Variants in UNC80 observed in about 807,000 individuals in gnomAD.
The protein encoded by UNC80 is protein unc-80 homolog.
Under a neutral mutation model 384.6 loss-of-function variants are expected in UNC80, and 164 were observed. That is an observed-to-expected ratio of 0.43 (90% CI 0.38 to 0.49). The LOEUF is 0.49. UNC80 is among the 20% of genes least tolerant of loss of function. The pLI is 0.00. For missense variants in UNC80, 3,330 were observed against 4,143.0 expected (o/e 0.80, Z 5.39); for synonymous variants, 1,486 against 1,527.8 (o/e 0.97, Z 0.64).
Position 209,813,860 on chromosome 2 carries a change from A to G in UNC80, c.1200+19A>G. On this transcript the variant is annotated intron_variant, in intron 8 of 64. Coordinates refer to ENST00000673920, the MANE Select transcript of UNC80 (RefSeq NM_001371986.1). Reference sequence around the variant, plus strand: ...AACCCAAGTAAGAAAAACCCGGTTCATTGTCATTCAAACCAGCAACTTTGC... The same window carrying G: ...AACCCAAGTAAGAAAAACCCGGTTCGTTGTCATTCAAACCAGCAACTTTGC... The G allele has an allele frequency of 6.5e-7, 1 of 1,546,620 alleles. No homozygotes were observed. Among genetic ancestry groups the G allele is most frequent in the South Asian group, 1.2e-5 (1 of 83,424 alleles).
Position 209,829,369 on chromosome 2 carries a change from G to A in UNC80, c.2616G>A (p.Pro872=), listed in dbSNP as rs200238702. 1.7e-3 allele frequency: 2,602 copies of A among 1,551,124 alleles called. 1 individual carries two copies. The highest frequency in any genetic ancestry group is 2.1e-3 in the Non-Finnish European group (2,414 of 1,146,666). ...LHALLGFCME[P]VTDNKAGFGN... Reference sequence around the variant, plus strand: ...CTTTGCTAGGATTTTGTATGGAGCCGGTCACTGACAGTAAGTAAAGCTGCA... The same window carrying A: ...CTTTGCTAGGATTTTGTATGGAGCCAGTCACTGACAGTAAGTAAAGCTGCA... Residue 872 remains proline, a synonymous_variant, in exon 15 of 65, where the codon CCG becomes CCA. Transcript: ENST00000673920.
intron 29 of UNC80, among the ~76,000 whole-genome samples, 154 bp from the exon 30 acceptor site, chr2:209,912,406 C>T (rs1452515625): frequency 6.6e-6 from 1 of 152,094 alleles, no homozygotes; most frequent in Non-Finnish European, 1.5e-5. Context: ...AAATAAACTG[C>T]TTTTATAAAT....
At chr2:209,816,071 G>T (rs1043247199) in intron 9 of UNC80, among the ~76,000 whole-genome samples, 2 of 152,188 alleles carry the variant, frequency 1.3e-5, no homozygotes, top group African/African-American at 4.8e-5. Flanking sequence ...GTGTTGCTAA[G>T]TAAGCAGTTT....
At chr2:209,940,170 G>C (rs76834982) in intron 43 of UNC80, among the ~76,000 whole-genome samples, 7 of 152,000 alleles carry the variant, frequency 4.6e-5, no homozygotes, top group African/African-American at 1.7e-4. Flanking sequence ...AACAAAGACC[G>C]GGTATTTGTG....
At chr2:209,807,668 C>A (rs995282903) in intron 7 of UNC80, among the ~76,000 whole-genome samples, 1 of 152,154 alleles carries the variant, frequency 6.6e-6, no homozygotes, top group Non-Finnish European at 1.5e-5. Flanking sequence ...TGGCCTCCCT[C>A]ATGTCATTTT....
chr2:209,793,777 A>T lies in UNC80; in HGVS notation c.856A>T (p.Ile286Phe), dbSNP rs1574469326. The change falls in exon 7 of 65, where the codon ATT (isoleucine) becomes TTT (phenylalanine). Residue 286 changes from isoleucine (I) to phenylalanine (F), a missense_variant. Around this residue, in one of 8 missense-constraint regions of UNC80, gnomAD observed 937 missense variants for 1,026.8 expected, o/e 0.91. Transcript: ENST00000673920. ...QSDSISPKAT[I>F]SGCHRGNSFD... ...TGATTCCATCTCACCCAAGGCCACC[A>T]TTTCAGGCTGTCACCGAGGAAACTC... 1 of 1,614,158 alleles carries T rather than the reference A, an allele frequency of 6.2e-7. No individual in the cohort carries two copies. The highest frequency in any genetic ancestry group is 1.7e-5 in the Admixed American group (1 of 60,028).
chr2:209,866,529 CACACAG>C (rs1467243638), intron 22 of UNC80, among the ~76,000 whole-genome samples: 114 of 126,594 alleles, frequency 9.0e-4, no homozygotes, highest in Middle Eastern at 4.0e-3. Context: ...CACACACACA[CACACAG>C]AGAGAGAGAG....
chr2:209,787,561 C>T (rs1030664635), intron 5 of UNC80, among the ~76,000 whole-genome samples: 3 of 152,088 alleles, frequency 2.0e-5, no homozygotes, highest in Non-Finnish European at 4.4e-5. Flanking sequence ...GTGTTTACAA[C>T]AGTAGTCCCA....
intron 61 of UNC80, among the ~76,000 whole-genome samples, chr2:209,989,390 C>T (rs1022148693): frequency 5.3e-5 from 8 of 151,930 alleles, no homozygotes; most frequent in African/African-American, 1.9e-4. Context: ...TGTCCCACTA[C>T]TCTGACATAT....
chr2:209,833,688 AT>A (rs1239147899), intron 16 of UNC80, among the ~76,000 whole-genome samples: 1 of 152,216 alleles, frequency 6.6e-6, no homozygotes, highest in Non-Finnish European at 1.5e-5. Flanking sequence ...AAAAGAGAAA[AT>A]TAAAGCTTGG....
At chr2:209,815,658 G>A (rs889541610) in intron 9 of UNC80, among the ~76,000 whole-genome samples, 2 of 152,182 alleles carry the variant, frequency 1.3e-5, no homozygotes, top group South Asian at 4.1e-4. Flanking sequence ...GTAAAGTAGT[G>A]TGGTGGTGGA....
chr2:209,966,492 T>G (rs2092745146), intron 51 of UNC80, among the ~76,000 whole-genome samples: 1 of 152,252 alleles, frequency 6.6e-6, no homozygotes, highest in Admixed American at 6.5e-5. Flanking sequence ...TAAATTAAGT[T>G]GGCTTTAAGG....
intron 6 of UNC80, 66 bp downstream of exon 6, chr2:209,789,671 G>C: frequency 8.6e-7 from 1 of 1,157,840 alleles, no homozygotes; most frequent in Non-Finnish European, 1.3e-6. Flanking sequence ...TAGTGTGAAG[G>C]GAAAGACATG....
intron 35 of UNC80, among the ~76,000 whole-genome samples, chr2:209,923,875 T>A (rs146237153): frequency 1.2e-4 from 19 of 152,298 alleles, no homozygotes; most frequent in Middle Eastern, 3.4e-3. Context: ...TTCTGCTAAT[T>A]TTGCCTTTTG....
intron 58 of UNC80, among the ~76,000 whole-genome samples, chr2:209,977,327 AT>A (rs1372701913): frequency 2.0e-5 from 3 of 152,160 alleles, no homozygotes; most frequent in Non-Finnish European, 4.4e-5. Context: ...TTTTCTATAT[AT>A]TTTTTAATCT....
chr2:209,924,016 AAT>A (rs956104592), intron 35 of UNC80, among the ~76,000 whole-genome samples: 15 of 151,834 alleles, frequency 9.9e-5, no homozygotes, highest in Admixed American at 8.5e-4. Context: ...TTTATAAGAT[AAT>A]ATGTTTTATA....
At chr2:209,936,809 T>A (rs1253127669) in intron 40 of UNC80, 35 bp from the exon 41 acceptor site, 1 of 1,426,958 alleles carries the variant, frequency 7.0e-7, no homozygotes, top group Non-Finnish European at 9.7e-7. Flanking sequence ...ATCTTCCTGA[T>A]AAACATTTAT....
chr2:209,883,866 A>G (rs1244725294), intron 25 of UNC80, among the ~76,000 whole-genome samples: 4 of 152,332 alleles, frequency 2.6e-5, no homozygotes, highest in South Asian at 4.1e-4. Flanking sequence ...ATGTTGTCAC[A>G]TATGTCAGAA....
intron 22 of UNC80, among the ~76,000 whole-genome samples, chr2:209,855,966 G>T (rs2082883389): frequency 6.6e-6 from 1 of 151,834 alleles, no homozygotes; most frequent in African/African-American, 2.4e-5. Flanking sequence ...TTCTGTATGG[G>T]TCTCTATTCA....
Sources: allele counts gnomAD v4.1 joint callset (sites outside exome capture counted in the v4.1 genomes callset), GRCh38; gene constraint gnomAD v4.1.1; regional missense constraint gnomAD v4.1.1; transcripts MANE v1.5; gene names NCBI Gene and HGNC (gene_info 2026-07-23, HGNC 2026-07-21).